The following SNX30 variants were observed in gnomAD, a reference collection of about 807,000 sequenced individuals.
The protein encoded by SNX30 is sorting nexin family member 30, also known as sorting nexin-30.
Under a neutral mutation model 46.4 loss-of-function variants are expected in SNX30, and 24 were observed. The ratio of observed to expected loss-of-function variants is 0.52; its 90% confidence interval spans 0.37 to 0.73. SNX30 has a LOEUF of 0.73. Ranked by LOEUF, SNX30 falls within the 30% of genes least tolerant of loss-of-function variation. The probability of loss-of-function intolerance (pLI) is 0.00; values close to 1 mark genes in which losing one functional copy is unlikely to be tolerated. For synonymous variants in SNX30, 189 were observed against 211.5 expected, an observed-to-expected ratio of 0.89 and a Z score of 0.92; for missense variants, 533 against 555.7, an observed-to-expected ratio of 0.96 and a Z score of 0.41.
chr9:112,808,807 A>G (rs1190890337), intron 2 of SNX30, among the ~76,000 whole-genome samples: 1 of 152,224 alleles, frequency 6.6e-6, no homozygotes, highest in East Asian at 1.9e-4. Flanking sequence ...GCATGCTTTT[A>G]TGCTATTGTT....
intron 1 of SNX30, 144 bp from the exon 2 acceptor site, chr9:112,804,632 A>G (rs980273832): frequency 2.9e-5 from 18 of 629,338 alleles, no homozygotes; most frequent in African/African-American, 2.7e-4. Context: ...CACTCAAGAA[A>G]CACTGAGTAG....
intron 1 of SNX30, among the ~76,000 whole-genome samples, chr9:112,793,336 G>A (rs1840056603): frequency 6.6e-6 from 1 of 152,184 alleles, no homozygotes; most frequent in African/African-American, 2.4e-5. Context: ...CAACCCAGAT[G>A]CCTTCATGTT....
At chr9:112,775,542 TTGTGTGTGTG>T (rs199600863) in intron 1 of SNX30, among the ~76,000 whole-genome samples, 6,367 of 131,370 alleles carry the variant, frequency 0.048, 292 homozygotes, top group African/African-American at 0.12. Flanking sequence ...TATTTTAAAT[TTGTGTGTGTG>T]TGTGTGTGTG....
At chr9:112,752,892 A>T (rs1839298443) in intron 1 of SNX30, among the ~76,000 whole-genome samples, 1 of 152,162 alleles carries the variant, frequency 6.6e-6, no homozygotes, top group Non-Finnish European at 1.5e-5. Flanking sequence ...ATCCACTTCT[A>T]AGCTCACTCA....
intron 3 of SNX30, among the ~76,000 whole-genome samples, chr9:112,830,040 A>G (rs1840637479): frequency 1.3e-5 from 2 of 152,236 alleles, no homozygotes; most frequent in Admixed American, 1.3e-4. Flanking sequence ...TTAATCAAGC[A>G]GTTGATCAAA....
At chr9:112,866,412 A>G (rs1349052038) in intron 8 of SNX30, 4 of 470,324 alleles carry the variant, frequency 8.5e-6, no homozygotes, top group Non-Finnish European at 1.8e-5. Context: ...CTGGGGCAGG[A>G]AAGAGTTTGG....
intron 7 of SNX30, among the ~76,000 whole-genome samples, chr9:112,854,304 A>T (rs1367838835): frequency 6.6e-6 from 1 of 152,060 alleles, no homozygotes; most frequent in South Asian, 2.1e-4. Context: ...CTGGCCTCAC[A>T]TTCCTGCGGG....
chr9:112,780,408 AAG>A (rs1397554754), intron 1 of SNX30, among the ~76,000 whole-genome samples: 1 of 152,240 alleles, frequency 6.6e-6, no homozygotes, highest in Non-Finnish European at 1.5e-5. Flanking sequence ...ACGGTTAAAA[AAG>A]AGAGAAAGAA....
At chr9:112,882,031 A>T (rs1270649160), downstream of SNX30, among the ~76,000 whole-genome samples, 3 of 152,052 alleles carry the variant, frequency 2.0e-5, no homozygotes, top group Non-Finnish European at 4.4e-5. Flanking sequence ...CAGGAATAGG[A>T]GGTGAGAGAG....
rs776189985 is a variant in SNX30 at position 112,817,658 on chromosome 9, A to T, written c.349-47A>T. 4.5e-6 allele frequency: 5 copies of T among 1,121,330 alleles called. No homozygotes were observed. In the South Asian group the frequency reaches 6.3e-5, roughly 14 times the overall value. The allele number at this position is 1,121,330 out of a possible 1,614,324, so 69.5% of individuals were successfully genotyped here. The stretch of plus-strand genomic sequence containing the variant: ...GCTTTTTTCCTTCCCTTCAGCCAAG[A>T]TATGCTATTCCCTTATGCTTATTTT... On this transcript the variant is annotated intron_variant, in intron 2 of 8. Transcript: ENST00000374232.
chr9:112,838,744 G>A (rs781470711), intron 6 of SNX30, 47 bp downstream of exon 6: 3 of 1,551,698 alleles, frequency 1.9e-6, no homozygotes, highest in South Asian at 2.3e-5. Flanking sequence ...CTTTGTAATA[G>A]CAGTTATCAG....
At chr9:112,843,818 T>A (rs1045354209) in intron 6 of SNX30, among the ~76,000 whole-genome samples, 2 of 152,028 alleles carry the variant, frequency 1.3e-5, no homozygotes, top group Admixed American at 1.3e-4. Context: ...TTTCACCATG[T>A]TGGTGAGGCT....
At chr9:112,863,916 G>A (rs1244098464) in intron 7 of SNX30, among the ~76,000 whole-genome samples, 1 of 152,216 alleles carries the variant, frequency 6.6e-6, no homozygotes, top group Non-Finnish European at 1.5e-5. Context: ...TTCAAGTGTG[G>A]ATGAGTAAAT....
rs767398999 is a variant in SNX30 at position 112,864,381 on chromosome 9, C to G, written c.1236C>G (p.Asn412Lys). 4 of 1,614,068 alleles carry G rather than the reference C, an allele frequency of 2.5e-6. No individual in the cohort carries two copies. Among genetic ancestry groups the G allele is most frequent in the African/African-American group, 2.7e-5 (2 of 74,926 alleles). Residue 412 changes from asparagine to lysine, a missense_variant, in exon 8 of 9, where the codon AAC becomes AAG. By Grantham distance (94) the Asn-to-Lys change is moderately conservative (BLOSUM62 0). Coordinates refer to ENST00000374232, the MANE Select transcript of SNX30 (RefSeq NM_001012994.2). ...RQLLMGMADK[N>K]IQYYEKCLMA... The stretch of plus-strand genomic sequence containing the variant: ...TACTCATGGGGATGGCTGACAAGAA[C>G]ATCCAGTATTATGAGAAGGTAATGA...
intron 2 of SNX30, among the ~76,000 whole-genome samples, chr9:112,807,589 C>T (rs1312894967): frequency 2.0e-5 from 3 of 152,082 alleles, no homozygotes; most frequent in Non-Finnish European, 4.4e-5. Context: ...ATTTTTTACC[C>T]TGTAGTCAGT....
chr9:112,862,971 C>G (rs1413621993), intron 7 of SNX30, among the ~76,000 whole-genome samples: 1 of 152,162 alleles, frequency 6.6e-6, no homozygotes, highest in Non-Finnish European at 1.5e-5. Flanking sequence ...AGTTATCTCT[C>G]TCTCCAGCTC....
intron 1 of SNX30, among the ~76,000 whole-genome samples, chr9:112,793,909 C>T (rs1222276330): frequency 1.3e-5 from 2 of 150,902 alleles, no homozygotes; most frequent in African/African-American, 4.9e-5. Context: ...ATCTAGAGGT[C>T]TAGCTTTCTA....
chr9:112,836,169 TGTGA>T (rs779113437), intron 4 of SNX30, 41 bp from the exon 5 acceptor site: 9 of 1,528,914 alleles, frequency 5.9e-6, no homozygotes, highest in South Asian at 2.4e-5. Context: ...GTCCTGCCCA[TGTGA>T]GTGAGTGAGT....
chr9:112,837,887 C>CTTT (rs10713538), intron 5 of SNX30, among the ~76,000 whole-genome samples: 11 of 71,138 alleles, frequency 1.5e-4, no homozygotes, highest in South Asian at 5.9e-4. Context: ...TGGTTCTTTT[C>CTTT]TTTTTTTTTT....
Sources: gnomAD v4.1 joint callset for allele counts (sites outside exome capture counted in the v4.1 genomes callset) on GRCh38, gnomAD v4.1.1 for gene constraint, MANE v1.5 for transcripts, NCBI Gene and HGNC (gene_info 2026-07-23, HGNC 2026-07-21) for gene names.